TMEM229B: variants seen among roughly 807,000 people sequenced by gnomAD.
The protein encoded by TMEM229B is transmembrane protein 229B, also known as chromosome 14 open reading frame 83.
A neutral mutation model predicts 13.7 loss-of-function variants in TMEM229B; 6 were observed. That is an observed-to-expected ratio of 0.44 (90% CI 0.24 to 0.86). The LOEUF is 0.86. Among genes scored for constraint, TMEM229B ranks in the 40% least tolerant of loss-of-function variants. TMEM229B has a pLI of 0.23. For synonymous variants in TMEM229B, 107 were observed against 102.1 expected, an observed-to-expected ratio of 1.05 and a Z score of -0.29; for missense variants, 170 against 236.0, an observed-to-expected ratio of 0.72 and a Z score of 1.83.
intron 1 of TMEM229B, among the ~76,000 whole-genome samples, chr14:67,513,551 G>T (rs543416373): frequency 6.6e-6 from 1 of 152,322 alleles, no homozygotes; most frequent in Non-Finnish European, 1.5e-5. Context: ...CCAGTTGCCT[G>T]TATCTGTCTC....
intron 1 of TMEM229B, chr14:67,533,631 A>C (rs1235747306): frequency 6.6e-6 from 1 of 152,044 alleles, no homozygotes; most frequent in African/African-American, 2.4e-5. Flanking sequence ...CTCCCCCGGG[A>C]GTACCTGGAC....
chr14:67,496,639 T>C (rs1323808041), intron 1 of TMEM229B, among the ~76,000 whole-genome samples: 1 of 150,808 alleles, frequency 6.6e-6, no homozygotes, highest in Non-Finnish European at 1.5e-5. Flanking sequence ...TCCCTTCCCC[T>C]TTTCTTTCTT....
intron 1 of TMEM229B, among the ~76,000 whole-genome samples, chr14:67,502,801 A>G (rs2032664380): frequency 6.6e-6 from 1 of 152,154 alleles, no homozygotes; most frequent in South Asian, 2.1e-4. Context: ...GAGTGACCAC[A>G]GGGCTTATTT....
At chr14:67,478,552 T>C (rs1334833980) in intron 2 of TMEM229B, among the ~76,000 whole-genome samples, 1 of 151,972 alleles carries the variant, frequency 6.6e-6, no homozygotes, top group Non-Finnish European at 1.5e-5. Flanking sequence ...AAATCCGATG[T>C]TTCTCACCAC....
At chr14:67,477,299 C>T (rs1390343082) in intron 2 of TMEM229B, among the ~76,000 whole-genome samples, 1 of 152,212 alleles carries the variant, frequency 6.6e-6, no homozygotes, top group Non-Finnish European at 1.5e-5. Context: ...CAATCCAGCT[C>T]TTCCTGTCTT....
chr14:67,524,725 A>T (rs2033341669), intron 1 of TMEM229B, among the ~76,000 whole-genome samples: 1 of 152,238 alleles, frequency 6.6e-6, no homozygotes, highest in Non-Finnish European at 1.5e-5. Flanking sequence ...AACCACAAGA[A>T]CATACTGTAT....
rs2030877242 is a variant in TMEM229B at position 67,473,138 on chromosome 14, C to CTTTGTAGTT, written c.*281_*282insAACTACAAA. 2.2e-6 allele frequency: 1 copy of CTTTGTAGTT among 459,722 alleles called. No homozygotes were observed. Among genetic ancestry groups the CTTTGTAGTT allele is most frequent in the African/African-American group, 2.0e-5 (1 of 50,838 alleles). The allele number at this position is 459,722 out of a possible 1,614,324, so 28.5% of individuals were successfully genotyped here. A position where few individuals can be genotyped will look rare whatever the true frequency, so the allele number is the denominator to read the frequency against. On this transcript the variant is annotated 3_prime_UTR_variant, in exon 3 of 3. Coordinates refer to ENST00000554480, the MANE Select transcript of TMEM229B (RefSeq NM_001348543.2). The surrounding 1 kb of genome is among the most constrained non-coding windows in gnomAD (Gnocchi z 6.5). ...TTCCAAAGTCAACTACATAGTCCAT[C>CTTTGTAGTT]GCTGCTCAGCCACAGGCCTCCTGGT...
intron 2 of TMEM229B, among the ~76,000 whole-genome samples, chr14:67,479,090 T>C (rs1378091064): frequency 6.6e-6 from 1 of 152,230 alleles, no homozygotes; most frequent in Non-Finnish European, 1.5e-5. Flanking sequence ...GTATAACTTT[T>C]ATAAAACTAA....
At chr14:67,499,006 A>ATTTATTTATTT (rs1241888763) in intron 1 of TMEM229B, among the ~76,000 whole-genome samples, 1 of 30,204 alleles carries the variant, frequency 3.3e-5, no homozygotes, top group East Asian at 1.1e-3. Flanking sequence ...TTTATTTATT[A>ATTTATTTATTT]GTTATTTAAT....
intron 1 of TMEM229B, among the ~76,000 whole-genome samples, chr14:67,513,866 A>C (rs2033109077): frequency 6.6e-6 from 1 of 152,310 alleles, no homozygotes; most frequent in Admixed American, 6.5e-5. Flanking sequence ...TCAGAACTGA[A>C]GGCACCTTGT....
At chr14:67,511,475 A>T (rs2033023381) in intron 1 of TMEM229B, among the ~76,000 whole-genome samples, 2 of 152,220 alleles carry the variant, frequency 1.3e-5, no homozygotes, top group African/African-American at 4.8e-5. Context: ...TGTCTCTTCT[A>T]TAATACCAGC....
At chr14:67,517,075 G>A (rs1365896404), upstream of TMEM229B, among the ~76,000 whole-genome samples, 2 of 152,220 alleles carry the variant, frequency 1.3e-5, no homozygotes, top group East Asian at 3.8e-4. Context: ...AAGGGAGAGA[G>A]TCAGGGCTAC....
chr14:67,518,743 G>T (rs1047461442), upstream of TMEM229B, among the ~76,000 whole-genome samples: 7 of 152,222 alleles, frequency 4.6e-5, no homozygotes, highest in African/African-American at 1.7e-4. Flanking sequence ...GAATCAGAAA[G>T]ATTTCTTTAT....
upstream of TMEM229B, chr14:67,515,519 C>T (rs1028222719): frequency 6.4e-5 from 10 of 155,840 alleles, no homozygotes; most frequent in Non-Finnish European, 1.3e-4. Context: ...GGCTTAACTC[C>T]TTGCTCGCCC....
chr14:67,524,166 A>G (rs150694900), intron 1 of TMEM229B, among the ~76,000 whole-genome samples: 215 of 152,202 alleles, frequency 1.4e-3, no homozygotes, highest in Middle Eastern at 3.4e-3. Context: ...GTGAAATCTC[A>G]TATGTTCCCC....
intron 1 of TMEM229B, among the ~76,000 whole-genome samples, chr14:67,530,600 T>G (rs1045813521): frequency 9.8e-5 from 15 of 152,304 alleles, no homozygotes; most frequent in Middle Eastern, 3.4e-3. Flanking sequence ...CAGAAAATGG[T>G]TACATAAGCA....
intron 1 of TMEM229B, among the ~76,000 whole-genome samples, chr14:67,494,761 C>T (rs1000060501): frequency 2.0e-5 from 3 of 152,106 alleles, no homozygotes; most frequent in South Asian, 2.1e-4. Flanking sequence ...GAACACAGAA[C>T]GAAGGCTCGC....
chr14:67,473,094 C>T lies in TMEM229B; in HGVS notation c.*326G>A. Reference sequence around the variant, plus strand: ...CGGCCCCATTCTCATTGTCCCTTGGCCAGGACAGGGCCTGCTGCTTCCAAA... The same window carrying T: ...CGGCCCCATTCTCATTGTCCCTTGGTCAGGACAGGGCCTGCTGCTTCCAAA... On this transcript the variant is annotated 3_prime_UTR_variant, in exon 3 of 3. Coordinates refer to ENST00000554480, the MANE Select transcript of TMEM229B (RefSeq NM_001348543.2). The surrounding 1 kb of genome is among the most constrained non-coding windows in gnomAD (Gnocchi z 6.5). 1 of 321,816 alleles carries T rather than the reference C, an allele frequency of 3.1e-6. No individual in the cohort carries two copies. The highest frequency in any genetic ancestry group is 4.0e-5 in the South Asian group (1 of 24,960). The allele number at this position is 321,816 out of a possible 1,614,324, so 19.9% of individuals were successfully genotyped here.
chr14:67,516,405 GA>G (rs773952875), upstream of TMEM229B, among the ~76,000 whole-genome samples: 32 of 152,048 alleles, frequency 2.1e-4, no homozygotes, highest in Non-Finnish European at 4.4e-4. Flanking sequence ...GAGAGGGGGG[GA>G]AATGAGGAGA....
Sources: gnomAD v4.1 joint callset for allele counts (sites outside exome capture counted in the v4.1 genomes callset) on GRCh38, gnomAD v4.1.1 for gene constraint, Gnocchi (gnomAD v3.1) non-coding constraint, MANE v1.5 for transcripts, NCBI Gene and HGNC (gene_info 2026-07-23, HGNC 2026-07-21) for gene names.